The following TRPM6 variants were observed in gnomAD, a reference collection of about 807,000 sequenced individuals.
TRPM6 encodes channel kinase 2.
TRPM6 carries 111 observed loss-of-function variants against 247.6 expected under a neutral mutation model. That is an observed-to-expected ratio of 0.45 (90% CI 0.38 to 0.52). TRPM6 has a LOEUF of 0.52. Ranked by LOEUF, TRPM6 falls within the 20% of genes least tolerant of loss-of-function variation. The probability of loss-of-function intolerance (pLI) is 0.00; values close to 1 mark genes in which losing one functional copy is unlikely to be tolerated. For synonymous variants in TRPM6, 892 were observed against 853.8 expected (o/e 1.04, Z -0.78); for missense variants, 2,126 against 2,421.5 (o/e 0.88, Z 2.56).
chr9:74,797,176 A>C (rs1188149369), intron 17 of TRPM6, among the ~76,000 whole-genome samples: 1 of 152,242 alleles, frequency 6.6e-6, no homozygotes, highest in Non-Finnish European at 1.5e-5. Flanking sequence ...AGAGAGGGAC[A>C]GCTGGTCTGG....
At chr9:74,801,383 A>T (rs966033437) in intron 16 of TRPM6, among the ~76,000 whole-genome samples, 2 of 149,782 alleles carry the variant, frequency 1.3e-5, no homozygotes, top group Non-Finnish European at 3.0e-5. Context: ...ATTATAAATT[A>T]GTTTCCATTG....
chr9:74,845,801 T>C (rs534830024), intron 3 of TRPM6, among the ~76,000 whole-genome samples: 7 of 152,326 alleles, frequency 4.6e-5, no homozygotes, highest in African/African-American at 1.7e-4. Context: ...CACTCCAGCC[T>C]GGGCAACAAA....
intron 2 of TRPM6, among the ~76,000 whole-genome samples, chr9:74,856,125 G>T (rs1830513367): frequency 6.6e-6 from 1 of 151,882 alleles, no homozygotes; most frequent in African/African-American, 2.4e-5. Flanking sequence ...TAGATTTAGG[G>T]GTTAGCACTG....
At chr9:74,803,763 C>T (rs1222257414) in intron 15 of TRPM6, 31 bp downstream of exon 15, 2 of 1,489,106 alleles carry the variant, frequency 1.3e-6, no homozygotes, top group South Asian at 2.3e-5. Flanking sequence ...AAAACATTTT[C>T]CTTTCAAGTT....
intron 16 of TRPM6, 21 bp from the exon 17 acceptor site, chr9:74,800,503 T>G (rs761436456): frequency 1.3e-6 from 2 of 1,580,468 alleles, no homozygotes; most frequent in Admixed American, 3.3e-5. Context: ...GGTGGCCAAT[T>G]AAGAAAACAA....
Position 74,827,869 on chromosome 9 carries a change from C to G in TRPM6, c.750G>C (p.Leu250=). 1 of 1,614,082 alleles carries G rather than the reference C, an allele frequency of 6.2e-7. No individual in the cohort carries two copies. The highest frequency in any genetic ancestry group is 8.5e-7 in the Non-Finnish European group (1 of 1,180,012). The part of the protein sequence containing the change: ...TLNSMHSHFI[L]SDDGTVGKYG... ...ACTTGCCCACGGTCCCATCATCAGA[C>G]AGGATGAAGTGCGAGTGCATGCTGT... The change falls in exon 7 of 39, where the codon CTG becomes CTC. Residue 250 remains leucine (L), a synonymous_variant. Transcript: ENST00000360774.
rs751555724 is a variant in TRPM6 at position 74,842,252 on chromosome 9, A to T, written c.244T>A (p.Ser82Thr). 3 of 1,614,052 alleles carry T rather than the reference A, an allele frequency of 1.9e-6. No homozygotes were observed. Among genetic ancestry groups the T allele is most frequent in the Non-Finnish European group, 2.5e-6 (3 of 1,180,034 alleles). The change falls in exon 4 of 39, where the codon TCT becomes ACT. Residue 82 changes from serine (S) to threonine (T), a missense_variant. This residue lies in a region of TRPM6 where 1,082 missense variants were observed against 1,307.9 expected (regional missense o/e 0.83). Coordinates refer to ENST00000360774, the MANE Select transcript of TRPM6 (RefSeq NM_017662.5). ...AAKGKESEQW[S>T]VEKHTTKSPT... Reference sequence around the variant, plus strand: ...CTTTTCGTTGTGTGCTTTTCAACAGACCATTGTTCACTTTCTTTACCCTTG... The same window carrying T: ...CTTTTCGTTGTGTGCTTTTCAACAGTCCATTGTTCACTTTCTTTACCCTTG...
Position 74,808,052 on chromosome 9 carries a change from G to T in TRPM6, c.1620C>A (p.Asn540Lys). The T allele has an allele frequency of 1.2e-6, 2 of 1,613,908 alleles. No homozygotes were observed. Among genetic ancestry groups the T allele is most frequent in the Non-Finnish European group, 8.5e-7 (1 of 1,179,896 alleles). ...ACTCTACCTTGTATTTTCTGTAGAG[G>T]TTGTTGTAGAGGGCTCTGAAATGTT... is the stretch of plus-strand genomic sequence containing the variant. Reference protein sequence around the residue: ...TRKHFRALYNNLYRKYKHQRH... With the variant: ...TRKHFRALYNKLYRKYKHQRH... Residue 540 changes from asparagine to lysine, a missense_variant, in exon 14 of 39, where the codon AAC becomes AAA. By Grantham distance (94) the Asn-to-Lys change is moderately conservative. Transcript: ENST00000360774.
chr9:74,862,536 A>G (rs1197231179), intron 1 of TRPM6, among the ~76,000 whole-genome samples: 1 of 152,246 alleles, frequency 6.6e-6, no homozygotes, highest in Admixed American at 6.5e-5. Context: ...GCCTGAGGTC[A>G]GGCTGGGGAA....
chr9:74,747,831 A>G, intron 31 of TRPM6, 58 bp downstream of exon 31: 1 of 1,377,170 alleles, frequency 7.3e-7, no homozygotes, highest in Non-Finnish European at 1.0e-6. Flanking sequence ...AGGACAGTGA[A>G]CCTCGCATTA....
chr9:74,809,457 G>A (rs374722445), intron 13 of TRPM6, among the ~76,000 whole-genome samples: 16 of 152,214 alleles, frequency 1.1e-4, no homozygotes, highest in South Asian at 8.3e-4. Flanking sequence ...ATGAATGAAT[G>A]TAAATAATTT....
chr9:74,752,444 A>T, intron 28 of TRPM6, 76 bp from the exon 29 acceptor site: 1 of 842,210 alleles, frequency 1.2e-6, no homozygotes, highest in African/African-American at 1.7e-5. Context: ...CAAATAGAAA[A>T]ATCTGAACAC....
chr9:74,822,281 ACT>A (rs1177973951), intron 7 of TRPM6, among the ~76,000 whole-genome samples: 1 of 152,092 alleles, frequency 6.6e-6, no homozygotes, highest in African/African-American at 2.4e-5. Flanking sequence ...ACAAGGTCTC[ACT>A]CTGTCAGCTA....
intron 24 of TRPM6, among the ~76,000 whole-genome samples, chr9:74,773,307 T>C (rs547383160): frequency 1.3e-5 from 2 of 152,346 alleles, no homozygotes; most frequent in South Asian, 2.1e-4. Context: ...AGGCAGTCTA[T>C]TGAAATTAAT....
chr9:74,759,533 C>G (rs945898155), intron 27 of TRPM6, among the ~76,000 whole-genome samples: 1 of 151,400 alleles, frequency 6.6e-6, no homozygotes, highest in Non-Finnish European at 1.5e-5. Flanking sequence ...ATCTTTTTAC[C>G]AAAAAATGGT....
intron 16 of TRPM6, 140 bp from the exon 17 acceptor site, chr9:74,800,622 A>T: frequency 2.1e-6 from 1 of 470,346 alleles, no homozygotes; most frequent in Non-Finnish European, 3.6e-6. Flanking sequence ...CTTCCTTTAA[A>T]AAAAAAAAAA....
At chr9:74,756,652 C>A (rs1197872972) in intron 27 of TRPM6, among the ~76,000 whole-genome samples, 4 of 128,098 alleles carry the variant, frequency 3.1e-5, no homozygotes, top group Non-Finnish European at 6.3e-5. Context: ...AAGAACCAGC[C>A]TGGACAACAT....
At chr9:74,864,034 A>G (rs1048582852) in intron 1 of TRPM6, among the ~76,000 whole-genome samples, 1 of 152,164 alleles carries the variant, frequency 6.6e-6, no homozygotes, top group Non-Finnish European at 1.5e-5. Context: ...AGTGGAACTG[A>G]TAACTGACTC....
At chr9:74,761,036 A>C (rs1644716641) in intron 27 of TRPM6, among the ~76,000 whole-genome samples, 1 of 152,192 alleles carries the variant, frequency 6.6e-6, no homozygotes, top group African/African-American at 2.4e-5. Context: ...CCCAGCCTCC[A>C]GAACTGTAAG....
Sources: gnomAD v4.1 joint callset for allele counts (sites outside exome capture counted in the v4.1 genomes callset) on GRCh38, gnomAD v4.1.1 for gene constraint, gnomAD v4.1.1 regional missense constraint, MANE v1.5 for transcripts, NCBI Gene and HGNC (gene_info 2026-07-23, HGNC 2026-07-21) for gene names.